Variants in SLC2A13 observed in about 807,000 individuals in gnomAD.
The protein encoded by SLC2A13 is proton myo-inositol cotransporter.
SLC2A13 carries 32 observed loss-of-function variants against 64.4 expected under a neutral mutation model. The ratio of observed to expected loss-of-function variants is 0.50; its 90% CI spans 0.37 to 0.67. The LOEUF (loss-of-function observed/expected upper bound fraction) is 0.67. Ranked by LOEUF, SLC2A13 falls within the 30% of genes least tolerant of loss-of-function variation. The pLI is 0.00. For synonymous variants in SLC2A13, 338 were observed against 327.1 expected, an observed-to-expected ratio of 1.03 and a Z score of -0.36; for missense variants, 743 against 829.2, an observed-to-expected ratio of 0.90 and a Z score of 1.28.
At chr12:39,822,815 T>A (rs993161071) in intron 7 of SLC2A13, among the ~76,000 whole-genome samples, 1 of 152,214 alleles carries the variant, frequency 6.6e-6, no homozygotes, top group African/African-American at 2.4e-5. Context: ...GAAAGGTAGT[T>A]AAATATATTA....
chr12:39,777,379 T>G (rs1170872622), intron 7 of SLC2A13, among the ~76,000 whole-genome samples: 2 of 151,952 alleles, frequency 1.3e-5, no homozygotes, highest in East Asian at 3.8e-4. Context: ...ATTAAAATTA[T>G]AGAAATCTAC....
chr12:40,018,468 A>G (rs971453657), intron 3 of SLC2A13, among the ~76,000 whole-genome samples: 1 of 152,194 alleles, frequency 6.6e-6, no homozygotes, highest in African/African-American at 2.4e-5. Context: ...CTTGTGGATG[A>G]AATACGATTT....
intron 3 of SLC2A13, among the ~76,000 whole-genome samples, chr12:39,982,548 G>A (rs1338241524): frequency 1.3e-5 from 2 of 150,762 alleles, no homozygotes; most frequent in Admixed American, 6.6e-5. Flanking sequence ...CAAACAGAGA[G>A]CCAAATCATG....
chr12:39,891,574 C>T (rs906706168), intron 4 of SLC2A13, among the ~76,000 whole-genome samples: 29 of 151,980 alleles, frequency 1.9e-4, no homozygotes, highest in African/African-American at 6.3e-4. Context: ...TTCCTGAGTT[C>T]GACAGTGAAG....
chr12:39,981,096 G>C (rs1321690954), intron 3 of SLC2A13, among the ~76,000 whole-genome samples: 1 of 151,612 alleles, frequency 6.6e-6, no homozygotes, highest in Non-Finnish European at 1.5e-5. Flanking sequence ...ACGAAATGAA[G>C]GCAGAAATAA....
chr12:39,864,564 C>T (rs1943853107), intron 6 of SLC2A13, among the ~76,000 whole-genome samples, 198 bp downstream of exon 6: 1 of 152,176 alleles, frequency 6.6e-6, no homozygotes, highest in South Asian at 2.1e-4. Context: ...CTCCTTAATT[C>T]CTTACACTCA....
chr12:39,787,614 C>T (rs1208171541), intron 7 of SLC2A13, among the ~76,000 whole-genome samples: 1 of 152,066 alleles, frequency 6.6e-6, no homozygotes. Flanking sequence ...GTTTTCTCTT[C>T]ATGCAATCAT....
intron 6 of SLC2A13, among the ~76,000 whole-genome samples, chr12:39,843,536 A>G (rs1162819624): frequency 6.6e-6 from 1 of 152,110 alleles, no homozygotes; most frequent in Non-Finnish European, 1.5e-5. Flanking sequence ...TTCAAGGTAG[A>G]TAGAGAATTA....
In SLC2A13 at chr12:39,808,206, A is replaced by G. The variant is rs1942036240; in HGVS notation, c.1445+21897T>C. 2.0e-5 allele frequency among the ~76,000 whole-genome samples: 3 copies of G among 152,256 alleles called. No individual in the cohort carries two copies. In the South Asian group the frequency reaches 6.2e-4, roughly 32 times the overall value. ...TTTTATATAAATACTTGTACAGTATATATTGTTTTGTATCTGGCTTTTTTG... is the reference window on the plus strand; with the variant it reads ...TTTTATATAAATACTTGTACAGTATGTATTGTTTTGTATCTGGCTTTTTTG... On this transcript the variant is annotated intron_variant, in intron 7 of 9. Coordinates refer to ENST00000280871, the MANE Select transcript of SLC2A13 (RefSeq NM_052885.4).
At chr12:39,991,399 G>A (rs1176416140) in intron 3 of SLC2A13, among the ~76,000 whole-genome samples, 3 of 152,114 alleles carry the variant, frequency 2.0e-5, no homozygotes, top group Non-Finnish European at 4.4e-5. Flanking sequence ...CTCCCCTGCT[G>A]CCATCATGCT....
chr12:40,063,541 T>C (rs1272630328), intron 1 of SLC2A13, among the ~76,000 whole-genome samples: 1 of 151,940 alleles, frequency 6.6e-6, no homozygotes, highest in Non-Finnish European at 1.5e-5. Flanking sequence ...TGAAAGCAGT[T>C]TCATTCTTCC....
chr12:39,901,821 A>C (rs1945123814), intron 4 of SLC2A13, among the ~76,000 whole-genome samples: 2 of 145,310 alleles, frequency 1.4e-5, no homozygotes, highest in African/African-American at 2.6e-5. Context: ...ATACCATTTG[A>C]CCCAGCCATC....
chr12:39,830,210 C>T lies in SLC2A13; in HGVS notation c.1338G>A (p.Met446Ile), dbSNP rs1942813823. The stretch of plus-strand genomic sequence containing the variant: ...AGCAGAAACCGCAGTCTGGATCCAA[C>T]ATACATTCATTACAGTAACTGAAAA... ...CTRYSYCNEC[M>I]LDPDCGFCYK... Residue 446 changes from methionine to isoleucine, a missense_variant, in exon 7 of 10, where the codon ATG (methionine) becomes ATA (isoleucine). Physicochemically the swap from Met to Ile is conservative, Grantham distance 10. Transcript: ENST00000280871. 2 of 1,613,304 alleles carry T rather than the reference C, an allele frequency of 1.2e-6. No homozygotes were observed. The highest frequency in any genetic ancestry group is 2.2e-5 in the South Asian group (2 of 91,054).
intron 3 of SLC2A13, among the ~76,000 whole-genome samples, chr12:40,007,734 TAGTTCAC>T (rs1947449687): frequency 6.6e-6 from 1 of 152,158 alleles, no homozygotes; most frequent in South Asian, 2.1e-4. Context: ...AAAATGATAA[TAGTTCAC>T]ATTTTAGTTA....
At chr12:40,000,628 C>T (rs1947307606) in intron 3 of SLC2A13, among the ~76,000 whole-genome samples, 1 of 152,200 alleles carries the variant, frequency 6.6e-6, no homozygotes, top group South Asian at 2.1e-4. Flanking sequence ...CTGGAGGCCT[C>T]TCTCTCCTTG....
chr12:39,999,468 T>C (rs1565583562), intron 3 of SLC2A13, among the ~76,000 whole-genome samples: 1 of 151,916 alleles, frequency 6.6e-6, no homozygotes, highest in Non-Finnish European at 1.5e-5. Context: ...GCTCTGGGAG[T>C]GTCTGTCTTA....
intron 7 of SLC2A13, among the ~76,000 whole-genome samples, chr12:39,766,843 A>G (rs150365115): frequency 6.6e-6 from 1 of 152,212 alleles, no homozygotes; most frequent in Non-Finnish European, 1.5e-5. Flanking sequence ...GCAGCAATTC[A>G]GTCACATCTT....
At position 40,081,918 on chromosome 12, in the gene SLC2A13, T is replaced by C. The variant is rs28365170; in HGVS notation, c.556+23335A>G. ...TGGTATAAGCTGGGTATAAATTGAT[T>C]GGCTTCATGTCTGGATGATTGCAGG... On this transcript the variant is annotated intron_variant, in intron 1 of 9. Transcript: ENST00000280871. 1.4e-3 allele frequency among the ~76,000 whole-genome samples: 209 copies of C among 152,318 alleles called. 1 individual carries two copies. The East Asian group carries it at 0.026, about 19-fold the overall frequency.
intron 4 of SLC2A13, among the ~76,000 whole-genome samples, chr12:39,942,222 A>G (rs1016687994): frequency 6.6e-6 from 1 of 152,008 alleles, no homozygotes; most frequent in African/African-American, 2.4e-5. Flanking sequence ...GAATTTTAGA[A>G]CTGTTTTTTT....
Sources: allele counts gnomAD v4.1 joint callset (sites outside exome capture counted in the v4.1 genomes callset), GRCh38; gene constraint gnomAD v4.1.1; transcripts MANE v1.5; gene names NCBI Gene and HGNC (gene_info 2026-07-23, HGNC 2026-07-21).